Variants in ACIN1 observed in about 807,000 individuals in gnomAD.
ACIN1 encodes apoptotic chromatin condensation inducer in the nucleus.
In ACIN1, 16 loss-of-function variants were observed where a neutral mutation model predicts 146.6. That is an observed-to-expected ratio of 0.11 (90% confidence interval 0.07 to 0.17). ACIN1 has a LOEUF of 0.17. Ranked by LOEUF, ACIN1 falls within the 10% of genes least tolerant of loss-of-function variation. ACIN1 has a pLI of 1.00. For missense variants in ACIN1, 1,357 were observed against 1,609.3 expected, an observed-to-expected ratio of 0.84 and a Z score of 2.68; for synonymous variants, 569 against 582.7, an observed-to-expected ratio of 0.98 and a Z score of 0.34.
chr14:23,095,454 TGAG>T (rs1444880478), upstream of ACIN1: 2 of 993,310 alleles, frequency 2.0e-6, no homozygotes, highest in Non-Finnish European at 2.9e-6. Context: ...GACCTAGAGA[TGAG>T]GCGCTGGGGC....
rs111716426 is a variant in ACIN1 at position 23,074,672 on chromosome 14, A to G, written c.2123+3479T>C. Among the ~76,000 whole-genome samples, 113 of 152,352 alleles carry G rather than the reference A, an allele frequency of 7.4e-4. 2 individuals are homozygous for G. The highest frequency in any genetic ancestry group is 3.4e-3 in the Middle Eastern group (1 of 294). On this transcript the variant is annotated intron_variant, in intron 8 of 18. Transcript: ENST00000605057. ...CTTGTTAACCATGTGTCAGAGCCCA[A>G]CATAGCTTAACAGTCTGTGAAACTG...
intron 14 of ACIN1, 184 bp from the exon 15 acceptor site, chr14:23,062,707 G>A (rs2047326762): frequency 1.4e-6 from 1 of 739,160 alleles, no homozygotes; most frequent in South Asian, 1.8e-5. Context: ...TTGAGACGTT[G>A]TATGTGAGGC....
chr14:23,083,596 G>A (rs951076485), intron 4 of ACIN1, among the ~76,000 whole-genome samples: 18 of 152,264 alleles, frequency 1.2e-4, no homozygotes, highest in African/African-American at 4.1e-4. Flanking sequence ...GCCAGGCGTG[G>A]CGGCAGGTGC....
intron 4 of ACIN1, among the ~76,000 whole-genome samples, chr14:23,084,773 T>C (rs562903279): frequency 1.3e-5 from 2 of 152,286 alleles, no homozygotes; most frequent in South Asian, 4.1e-4. Flanking sequence ...GTGTTATGGT[T>C]GTTCATACAG....
intron 16 of ACIN1, 73 bp downstream of exon 16, chr14:23,062,095 G>A (rs2047309858): frequency 7.9e-7 from 1 of 1,266,012 alleles, no homozygotes; most frequent in South Asian, 1.2e-5. Context: ...GGTCTGGCAA[G>A]GATCTCAGCT....
intron 8 of ACIN1, 35 bp from the exon 9 acceptor site, chr14:23,069,652 G>GGGCCCCC: frequency 1.7e-6 from 1 of 577,974 alleles, no homozygotes; most frequent in African/African-American, 1.9e-5. Flanking sequence ...GGGGGGGCGG[G>GGGCCCCC]CAGAAAAGAA....
intron 2 of ACIN1, among the ~76,000 whole-genome samples, 167 bp downstream of exon 2, chr14:23,093,312 C>T (rs1198343232): frequency 6.6e-6 from 1 of 152,228 alleles, no homozygotes; most frequent in Non-Finnish European, 1.5e-5. Context: ...CCCTTGTATA[C>T]AACTGGGTTG....
At chr14:23,078,082 C>T in intron 8 of ACIN1, 69 bp downstream of exon 8, 8 of 1,426,924 alleles carry the variant, frequency 5.6e-6, no homozygotes, top group Non-Finnish European at 5.9e-6. Context: ...GTCAAAGAAC[C>T]CTAGGGAGCG....
At chr14:23,094,785 A>T in intron 1 of ACIN1, 190 bp downstream of exon 1, 1 of 909,522 alleles carries the variant, frequency 1.1e-6, no homozygotes, top group Non-Finnish European at 1.6e-6. Context: ...TGCTGCCGTT[A>T]AGGCGGGAAC....
chr14:23,090,839 C>G (rs1201066404), intron 2 of ACIN1, among the ~76,000 whole-genome samples: 5 of 152,182 alleles, frequency 3.3e-5, no homozygotes. Context: ...AAAAGAAGAG[C>G]TGCACATAAG....
At chr14:23,066,038 A>AG (rs1223642395) in intron 9 of ACIN1, 30 bp from the exon 10 acceptor site, 2 of 1,601,326 alleles carry the variant, frequency 1.2e-6, no homozygotes, top group Non-Finnish European at 1.7e-6. Flanking sequence ...GGGAAAAAAA[A>AG]GAGAAAGAGA....
rs763614232 is a variant in ACIN1 at position 23,068,648 on chromosome 14, G to A, written c.2265+828C>T. 17 of 985,736 alleles carry A rather than the reference G, an allele frequency of 1.7e-5. No individual in the cohort carries two copies. Among genetic ancestry groups the A allele is most frequent in the Non-Finnish European group, 1.9e-5 (16 of 829,968 alleles). 61.1% of individuals were successfully genotyped at this position (985,736 alleles called of 1,614,324 possible). On this transcript the variant is annotated intron_variant, in intron 9 of 18. Transcript: ENST00000605057. This position sits in a 1 kb window ranked among gnomAD's most constrained non-coding sequence, Gnocchi z 4.3. ...CCAGTTGGGCAGGGTTATATTTTACGGGCGGATTACCGTACATGAGGTACT... is the reference window on the plus strand; with the variant it reads ...CCAGTTGGGCAGGGTTATATTTTACAGGCGGATTACCGTACATGAGGTACT...
intron 1 of ACIN1, chr14:23,094,590 T>C: frequency 1.0e-6 from 1 of 959,618 alleles, no homozygotes; most frequent in Non-Finnish European, 1.2e-6. Context: ...ACTATACCCC[T>C]AACTCCGACC....
chr14:23,083,018 C>T (rs571255387), intron 4 of ACIN1, among the ~76,000 whole-genome samples: 102 of 150,886 alleles, frequency 6.8e-4, no homozygotes, highest in African/African-American at 2.3e-3. Context: ...GAATTACAGG[C>T]GTGAGTCACC....
intron 8 of ACIN1, chr14:23,071,190 G>A (rs559532881): frequency 6.5e-7 from 1 of 1,527,156 alleles, no homozygotes; most frequent in East Asian, 2.5e-5. Context: ...TCCCTTTCTG[G>A]AATGGAAGAA....
chr14:23,061,968 T>C (rs1176905420), intron 16 of ACIN1, among the ~76,000 whole-genome samples, 200 bp downstream of exon 16: 3 of 83,456 alleles, frequency 3.6e-5, no homozygotes, highest in Non-Finnish European at 6.4e-5. Flanking sequence ...CGAGACTCTG[T>C]CTCAAAAAAA....
chr14:23,090,450 G>A, intron 3 of ACIN1, 72 bp downstream of exon 3: 1 of 1,326,190 alleles, frequency 7.5e-7, no homozygotes, highest in Non-Finnish European at 1.1e-6. Context: ...TGTCTAGTTA[G>A]ACAGGCCTAT....
intron 6 of ACIN1, 100 bp from the exon 7 acceptor site, chr14:23,079,138 T>A (rs1319894927): frequency 8.3e-7 from 1 of 1,211,498 alleles, no homozygotes; most frequent in Non-Finnish European, 1.1e-6. Context: ...AATTTTATAC[T>A]CTGGACCTTT....
chr14:23,095,350 C>T, upstream of ACIN1: 1 of 1,527,482 alleles, frequency 6.5e-7, no homozygotes, highest in Non-Finnish European at 8.8e-7. Context: ...CTTTCAGGCT[C>T]GGTTTTCTTC....
Sources: allele counts gnomAD v4.1 joint callset (sites outside exome capture counted in the v4.1 genomes callset), GRCh38; gene constraint gnomAD v4.1.1; non-coding constraint Gnocchi (gnomAD v3.1); transcripts MANE v1.5; gene names NCBI Gene and HGNC (gene_info 2026-07-23, HGNC 2026-07-21).